DNAAF4: variants seen among roughly 807,000 people sequenced by gnomAD.
DNAAF4 encodes dynein axonemal assembly factor 4, also known as dynein assembly factor 4, axonemal.
Under a neutral mutation model 51.8 loss-of-function variants are expected in DNAAF4, and 43 were observed. That is an observed-to-expected ratio of 0.83 (90% confidence interval 0.65 to 1.07). DNAAF4 has a LOEUF of 1.07. Among genes scored for constraint, DNAAF4 ranks in the 50% least tolerant of loss-of-function variants. The probability of loss-of-function intolerance (pLI) is 0.00; values close to 1 mark genes in which losing one functional copy is unlikely to be tolerated. For missense variants in DNAAF4, 581 were observed against 493.0 expected, an observed-to-expected ratio of 1.18 and a Z score of -1.69; for synonymous variants, 194 against 165.6, an observed-to-expected ratio of 1.17 and a Z score of -1.32.
At chr15:55,453,943 T>C (rs1456605324) in intron 5 of DNAAF4, among the ~76,000 whole-genome samples, 2 of 151,980 alleles carry the variant, frequency 1.3e-5, no homozygotes, top group African/African-American at 4.8e-5. Context: ...TTGAAGAAAA[T>C]TTATAAACTA....
chr15:55,433,866 TTATA>T (rs1189991115), intron 8 of DNAAF4, among the ~76,000 whole-genome samples: 1 of 61,062 alleles, frequency 1.6e-5, no homozygotes, highest in Non-Finnish European at 3.0e-5. Context: ...ATAATATATA[TTATA>T]TATATTACAT....
chr15:55,496,481 T>G (rs1451550285), intron 3 of DNAAF4, among the ~76,000 whole-genome samples: 3 of 152,168 alleles, frequency 2.0e-5, no homozygotes, highest in Non-Finnish European at 2.9e-5. Flanking sequence ...TGCCAATTAC[T>G]CAAACTTTCC....
intron 7 of DNAAF4, 88 bp downstream of exon 7, chr15:55,439,384 A>T: frequency 8.7e-7 from 1 of 1,144,322 alleles, no homozygotes; most frequent in Non-Finnish European, 1.3e-6. Context: ...GGCTGGGATT[A>T]CAGGCATGAG....
At position 55,442,745 on chromosome 15, in the gene DNAAF4, CAACTTT is replaced by C. The variant is rs1014570644; in HGVS notation, c.784-3170_784-3165del. ...CTGGAAACAAAAAATTTCTTTCCTT[CAACTTT>C]ATCAAGTTGGCTATTTATCCTAACA... is the stretch of plus-strand genomic sequence containing the variant. On this transcript the variant is annotated intron_variant, in intron 6 of 9. Coordinates refer to ENST00000321149, the MANE Select transcript of DNAAF4 (RefSeq NM_130810.4). 5.1e-6 allele frequency: 8 copies of C among 1,583,524 alleles called. No individual in the cohort carries two copies. The African/African-American group carries it at 1.1e-4, about 21-fold the overall frequency.
chr15:55,480,997 T>C (rs1305797962), intron 4 of DNAAF4, among the ~76,000 whole-genome samples: 1 of 152,158 alleles, frequency 6.6e-6, no homozygotes, highest in African/African-American at 2.4e-5. Flanking sequence ...CTAATGGTTT[T>C]ATAAGGTTTT....
chr15:55,503,694 T>C lies in DNAAF4; in HGVS notation c.-256+4428A>G, dbSNP rs563111734. On this transcript the variant is annotated intron_variant, in intron 1 of 9. Coordinates refer to ENST00000321149, the MANE Select transcript of DNAAF4 (RefSeq NM_130810.4). ...AAAACCACATGATCATCTGAATAGA[T>C]GCAGAAAAGGCTTTTGACAAAATTC... Among the ~76,000 whole-genome samples the C allele has an allele frequency of 4.2e-4, 64 of 152,338 alleles. 2 individuals carry two copies. Among genetic ancestry groups the C allele is most frequent in the South Asian group, 2.9e-3 (14 of 4,828 alleles).
At chr15:55,491,284 A>G (rs1312508318) in intron 3 of DNAAF4, 28 bp from the exon 4 acceptor site, 2 of 1,588,460 alleles carry the variant, frequency 1.3e-6, no homozygotes, top group Non-Finnish European at 1.7e-6. Context: ...TTGCTAAATT[A>G]GAATTATGAC....
intron 6 of DNAAF4, among the ~76,000 whole-genome samples, chr15:55,448,304 T>G (rs1346077728): frequency 2.0e-5 from 3 of 152,050 alleles, no homozygotes; most frequent in African/African-American, 7.2e-5. Flanking sequence ...GCTGCTGCAT[T>G]CGGTTTGCCA....
intron 6 of DNAAF4, among the ~76,000 whole-genome samples, chr15:55,448,115 C>G (rs1044993722): frequency 6.6e-6 from 1 of 152,100 alleles, no homozygotes; most frequent in Non-Finnish European, 1.5e-5. Context: ...GAGTTTTTAG[C>G]ATGAAGTGCT....
intron 7 of DNAAF4, among the ~76,000 whole-genome samples, chr15:55,436,421 T>G (rs1328656716): frequency 6.6e-6 from 1 of 152,146 alleles, no homozygotes; most frequent in Non-Finnish European, 1.5e-5. Context: ...TCTTGCTAAA[T>G]TGCCCAGAAT....
chr15:55,442,869 A>G (rs2057736432), intron 6 of DNAAF4: 2 of 1,612,514 alleles, frequency 1.2e-6, no homozygotes, highest in Non-Finnish European at 1.7e-6. Flanking sequence ...TACCAACAGT[A>G]GCATCAATCA....
rs2058181816 is a variant in DNAAF4 at position 55,467,130 on chromosome 15, T to A, written c.437A>T (p.Asp146Val). The A allele has an allele frequency of 1.9e-6, 3 of 1,541,994 alleles. No individual in the cohort carries two copies. Among genetic ancestry groups the A allele is most frequent in the East Asian group, 4.7e-5 (2 of 42,378 alleles). The part of the protein sequence containing the change: ...IEEEERKKIE[D>V]MKENERIKAT... ...TTTTATCCGTTCATTTTCTTTCATA[T>A]CTTCTATTTTTTTCCTCTCTTCTTC... Residue 146 changes from aspartate to valine, a missense_variant, in exon 5 of 10, where the codon GAT (aspartate) becomes GTT (valine). Asp to Val is a radical substitution (Grantham distance 152). Transcript: ENST00000321149.
intron 7 of DNAAF4, among the ~76,000 whole-genome samples, chr15:55,423,408 C>T (rs117568774): frequency 0.036 from 5,513 of 151,966 alleles, 103 homozygotes; most frequent in African/African-American, 0.05. Context: ...ATGGGGGTCT[C>T]GCTATGTTGC....
At chr15:55,434,429 C>T (rs2057574828) in intron 8 of DNAAF4, among the ~76,000 whole-genome samples, 1 of 151,764 alleles carries the variant, frequency 6.6e-6, no homozygotes, top group South Asian at 2.1e-4. Flanking sequence ...GTTATCTTGA[C>T]ATGGAAAAAA....
intron 6 of DNAAF4, among the ~76,000 whole-genome samples, chr15:55,448,658 A>G (rs1466287228): frequency 6.6e-6 from 1 of 151,626 alleles, no homozygotes. Context: ...TCACAAGTTC[A>G]GGAGATTGAG....
At chr15:55,425,139 A>T (rs1354718483) in intron 7 of DNAAF4, among the ~76,000 whole-genome samples, 1 of 152,248 alleles carries the variant, frequency 6.6e-6, no homozygotes, top group African/African-American at 2.4e-5. Flanking sequence ...TGCTGGGATT[A>T]CAGGCGTGAG....
At chr15:55,448,059 G>C (rs1428664153) in intron 6 of DNAAF4, among the ~76,000 whole-genome samples, 4 of 152,110 alleles carry the variant, frequency 2.6e-5, no homozygotes, top group Non-Finnish European at 5.9e-5. Flanking sequence ...GTCATAAATA[G>C]CTCTTATTAT....
chr15:55,457,204 G>T (rs1438343777), intron 5 of DNAAF4, among the ~76,000 whole-genome samples: 3 of 152,178 alleles, frequency 2.0e-5, no homozygotes, highest in Non-Finnish European at 4.4e-5. Context: ...TATAAACGCA[G>T]TGCGGTTGGG....
intron 4 of DNAAF4, among the ~76,000 whole-genome samples, chr15:55,490,035 G>A (rs1198986670): frequency 1.3e-5 from 2 of 151,866 alleles, no homozygotes; most frequent in African/African-American, 4.8e-5. Context: ...CACCACGCGC[G>A]GCTGATTTTT....
Sources: allele counts gnomAD v4.1 joint callset (sites outside exome capture counted in the v4.1 genomes callset), GRCh38; gene constraint gnomAD v4.1.1; transcripts MANE v1.5; gene names NCBI Gene and HGNC (gene_info 2026-07-23, HGNC 2026-07-21).